SEC22A: variants seen among roughly 807,000 people sequenced by gnomAD.
SEC22A encodes the protein SEC22 homolog A, vesicle trafficking protein.
In SEC22A, 22 loss-of-function variants were observed where a neutral mutation model predicts 35.3. That is an observed-to-expected ratio of 0.62 (90% CI 0.45 to 0.89). The LOEUF (loss-of-function observed/expected upper bound fraction) is 0.89. Among genes scored for constraint, SEC22A ranks in the 40% least tolerant of loss-of-function variants. The probability of loss-of-function intolerance (pLI) is 0.00; values close to 1 mark genes in which losing one functional copy is unlikely to be tolerated. For missense variants in SEC22A, 354 were observed against 362.5 expected (o/e 0.98, Z 0.19); for synonymous variants, 119 against 129.5 (o/e 0.92, Z 0.55).
intron 1 of SEC22A, among the ~76,000 whole-genome samples, chr3:123,204,197 A>C (rs926894681): frequency 6.6e-5 from 10 of 152,246 alleles, no homozygotes; most frequent in African/African-American, 2.4e-4. Context: ...AAACAAGTTC[A>C]TTTAATTTAA....
At chr3:123,215,159 C>G (rs1350938951) in intron 2 of SEC22A, among the ~76,000 whole-genome samples, 1 of 152,198 alleles carries the variant, frequency 6.6e-6, no homozygotes, top group Non-Finnish European at 1.5e-5. Context: ...AAATAGAGCT[C>G]TTTTCCATTG....
chr3:123,208,099 C>T (rs939960166), intron 1 of SEC22A, among the ~76,000 whole-genome samples: 3 of 152,078 alleles, frequency 2.0e-5, no homozygotes, highest in Admixed American at 6.5e-5. Flanking sequence ...TCTTTATCTT[C>T]GTCTCTTTAT....
At chr3:123,237,095 T>C (rs553385338) in intron 4 of SEC22A, among the ~76,000 whole-genome samples, 1 of 152,314 alleles carries the variant, frequency 6.6e-6, no homozygotes, top group South Asian at 2.1e-4. Flanking sequence ...ATAGATGTTA[T>C]ATAAAAGAAT....
At chr3:123,216,544 G>A (rs926519561) in intron 2 of SEC22A, among the ~76,000 whole-genome samples, 1 of 152,062 alleles carries the variant, frequency 6.6e-6, no homozygotes, top group Non-Finnish European at 1.5e-5. Flanking sequence ...GCTAAAATGG[G>A]TCTTTTATTC....
intron 1 of SEC22A, 139 bp from the exon 2 acceptor site, chr3:123,209,060 T>G (rs553192658): frequency 1.6e-6 from 1 of 615,464 alleles, no homozygotes; most frequent in African/African-American, 1.8e-5. Flanking sequence ...CCCAAAGTGC[T>G]GGGATTACAG....
intron 6 of SEC22A, among the ~76,000 whole-genome samples, chr3:123,264,788 C>G (rs1937989029): frequency 1.3e-5 from 2 of 151,816 alleles, no homozygotes; most frequent in African/African-American, 4.8e-5. Flanking sequence ...ACCATCATGC[C>G]TAGCTAATTT....
chr3:123,237,744 C>T (rs9839589), intron 4 of SEC22A, among the ~76,000 whole-genome samples: 41,131 of 152,002 alleles, frequency 0.27, 6,103 homozygotes, highest in African/African-American at 0.39. Flanking sequence ...AGAAACTCCA[C>T]GTATCACCTG....
At chr3:123,208,129 A>C (rs9881718) in intron 1 of SEC22A, among the ~76,000 whole-genome samples, 29,877 of 152,118 alleles carry the variant, frequency 0.2, 3,036 homozygotes, top group Middle Eastern at 0.28. Flanking sequence ...TGTGTAAAAC[A>C]ACATTTGCAA....
chr3:123,217,834 G>A (rs1559752519), intron 2 of SEC22A, among the ~76,000 whole-genome samples: 2 of 152,134 alleles, frequency 1.3e-5, no homozygotes, highest in Admixed American at 6.5e-5. Context: ...TAGTAGTATG[G>A]TAAGCTCCTG....
At chr3:123,260,375 C>T (rs537351984) in intron 6 of SEC22A, among the ~76,000 whole-genome samples, 1 of 151,950 alleles carries the variant, frequency 6.6e-6, no homozygotes, top group Non-Finnish European at 1.5e-5. Flanking sequence ...ATTATTACTA[C>T]AGGTAGAAGG....
chr3:123,237,200 G>C (rs534909289), intron 4 of SEC22A, among the ~76,000 whole-genome samples: 120 of 152,336 alleles, frequency 7.9e-4, no homozygotes, highest in African/African-American at 2.7e-3. Flanking sequence ...TTTGCTGTCT[G>C]CTAATCTTTG....
chr3:123,233,283 A>G (rs1420005113), intron 4 of SEC22A, among the ~76,000 whole-genome samples: 1 of 152,216 alleles, frequency 6.6e-6, no homozygotes, highest in Non-Finnish European at 1.5e-5. Context: ...ACAGTAGTCT[A>G]CAGTAGCCAG....
At chr3:123,203,304 CTAA>C (rs373334878) in intron 1 of SEC22A, among the ~76,000 whole-genome samples, 52 of 152,050 alleles carry the variant, frequency 3.4e-4, no homozygotes, top group African/African-American at 1.3e-3. Context: ...TAAAATGGAA[CTAA>C]TAATACCTAT....
chr3:123,215,983 C>T (rs1478194007), intron 2 of SEC22A, among the ~76,000 whole-genome samples: 3 of 152,142 alleles, frequency 2.0e-5, no homozygotes, highest in South Asian at 4.1e-4. Context: ...GGAAATGCAA[C>T]CAACCTATAA....
chr3:123,210,986 T>C (rs1936932860), intron 2 of SEC22A, among the ~76,000 whole-genome samples: 2 of 152,078 alleles, frequency 1.3e-5, no homozygotes, highest in African/African-American at 2.4e-5. Context: ...GTGATAATCA[T>C]TGTGGGGCCA....
intron 4 of SEC22A, among the ~76,000 whole-genome samples, chr3:123,239,588 G>A (rs1042935610): frequency 1.3e-4 from 20 of 152,128 alleles, no homozygotes; most frequent in Non-Finnish European, 1.5e-4. Flanking sequence ...GTGATGGTGA[G>A]CATTTTTTCA....
intron 5 of SEC22A, among the ~76,000 whole-genome samples, chr3:123,254,477 T>A (rs1937676020): frequency 6.6e-6 from 1 of 152,194 alleles, no homozygotes; most frequent in Admixed American, 6.5e-5. Context: ...TTCCTTCCTG[T>A]CTCTGTTTCC....
intron 5 of SEC22A, among the ~76,000 whole-genome samples, chr3:123,251,800 T>C (rs1190373439): frequency 1.3e-5 from 2 of 152,066 alleles, no homozygotes; most frequent in African/African-American, 4.8e-5. Context: ...CTGCATTGAG[T>C]ACAACAATGT....
chr3:123,260,131 C>CAAAAAAAAAAAAAAAAAAAA lies in SEC22A; in HGVS notation c.723+561_723+580dup, dbSNP rs533386545. ...TGGGCAACAGAGCGAGACTACATCT[C>CAAAAAAAAAAAAAAAAAAAA]AAAAAAAAAAAAAAAAAAAAAAAAA... is the stretch of plus-strand genomic sequence containing the variant. On this transcript the variant is annotated intron_variant, in intron 6 of 6. Transcript: ENST00000492595. Among the ~76,000 whole-genome samples, 16 of 49,784 alleles carry CAAAAAAAAAAAAAAAAAAAA rather than the reference C, an allele frequency of 3.2e-4. 2 individuals carry two copies. Among genetic ancestry groups the CAAAAAAAAAAAAAAAAAAAA allele is most frequent in the Non-Finnish European group, 4.8e-4 (15 of 31,072 alleles). The allele number at this position is 49,784 out of a possible 152,430, so 32.7% of individuals were successfully genotyped here. A position where few individuals can be genotyped will look rare whatever the true frequency, so the allele number is the denominator to read the frequency against.
Sources: allele counts gnomAD v4.1 joint callset (sites outside exome capture counted in the v4.1 genomes callset), GRCh38; gene constraint gnomAD v4.1.1; transcripts MANE v1.5; gene names NCBI Gene and HGNC (gene_info 2026-07-23, HGNC 2026-07-21).